PCDHA12: variants seen among roughly 807,000 people sequenced by gnomAD.
PCDHA12 encodes protocadherin alpha-12.
A neutral mutation model predicts 60.0 loss-of-function variants in PCDHA12; 44 were observed. The ratio of observed to expected loss-of-function variants is 0.73; its 90% CI spans 0.58 to 0.94. The LOEUF (loss-of-function observed/expected upper bound fraction) is 0.94, where lower values mean the gene tolerates loss of function less well. Ranked by LOEUF, PCDHA12 falls within the 40% of genes least tolerant of loss-of-function variation. PCDHA12 has a pLI of 0.00. For missense variants in PCDHA12, 1,276 were observed against 1,239.7 expected (o/e 1.03, Z -0.44); for synonymous variants, 569 against 553.0 (o/e 1.03, Z -0.40).
intron 1 of PCDHA12, among the ~76,000 whole-genome samples, chr5:140,890,392 T>C (rs2062624449): frequency 6.6e-6 from 1 of 152,212 alleles, no homozygotes; most frequent in Admixed American, 6.5e-5. Flanking sequence ...TTAGATAATC[T>C]ATAAATTTTA....
At chr5:140,955,187 T>C (rs1230644276) in intron 1 of PCDHA12, among the ~76,000 whole-genome samples, 1 of 152,198 alleles carries the variant, frequency 6.6e-6, no homozygotes, top group Non-Finnish European at 1.5e-5. Flanking sequence ...TTTTGTGGTG[T>C]ATATGAAGTC....
intron 1 of PCDHA12, chr5:140,969,096 A>T: frequency 6.2e-7 from 1 of 1,614,162 alleles, no homozygotes; most frequent in Non-Finnish European, 8.5e-7. Flanking sequence ...GTGCAGCCTC[A>T]CTTCATTGAA....
intron 1 of PCDHA12, among the ~76,000 whole-genome samples, chr5:140,978,596 C>T (rs2096811689): frequency 6.6e-6 from 1 of 152,204 alleles, no homozygotes; most frequent in African/African-American, 2.4e-5. Context: ...CTTAATGGGG[C>T]ACTTGAGGGC....
intron 1 of PCDHA12, among the ~76,000 whole-genome samples, chr5:140,901,565 G>A (rs1554189898): frequency 6.6e-6 from 1 of 152,062 alleles, no homozygotes; most frequent in African/African-American, 2.4e-5. Context: ...CTATGTGTCT[G>A]TTTTTATGCC....
chr5:141,003,520 C>T (rs1171208921), intron 3 of PCDHA12, among the ~76,000 whole-genome samples: 2 of 152,126 alleles, frequency 1.3e-5, no homozygotes, highest in Admixed American at 6.5e-5. Flanking sequence ...ACCATGTTCC[C>T]TAGGCTGGTC....
At chr5:140,970,773 T>G (rs1385909769) in intron 1 of PCDHA12, among the ~76,000 whole-genome samples, 1 of 152,240 alleles carries the variant, frequency 6.6e-6, no homozygotes, top group Non-Finnish European at 1.5e-5. Context: ...TTGCTGTACA[T>G]ACATATTGTA....
intron 1 of PCDHA12, among the ~76,000 whole-genome samples, chr5:140,915,626 G>GTCTCTCTCTCTCTCTC (rs57920489): frequency 1.4e-5 from 2 of 146,436 alleles, no homozygotes; most frequent in African/African-American, 2.5e-5. Context: ...GTCTCTTTCT[G>GTCTCTCTCTCTCTCTC]TCTCTCTCTC....
chr5:140,877,106 TG>T lies in PCDHA12; in HGVS notation c.1637del (p.Gly546AlafsTer4). On this transcript the variant is annotated frameshift_variant, in exon 1 of 4. Coordinates refer to ENST00000398631, the MANE Select transcript of PCDHA12 (RefSeq NM_018903.4). LOFTEE classifies it high-confidence loss of function. ...VSARDAGVPP[L>X]GSNVTLQVFV... Reference sequence around the variant, plus strand: ...GCGCGCGACGCCGGCGTGCCGCCTCTGGGCAGCAACGTGACGCTGCAGGTGT... The same window carrying T: ...GCGCGCGACGCCGGCGTGCCGCCTCTGGCAGCAACGTGACGCTGCAGGTGT... The T allele has an allele frequency of 6.2e-7, 1 of 1,613,554 alleles. No homozygotes were observed.
At chr5:140,976,594 T>C (rs2096724606) in intron 1 of PCDHA12, among the ~76,000 whole-genome samples, 1 of 152,146 alleles carries the variant, frequency 6.6e-6, no homozygotes, top group Non-Finnish European at 1.5e-5. Flanking sequence ...ACTTTTGTGT[T>C]AAGGGGACCT....
chr5:140,952,734 C>T (rs143946641), intron 1 of PCDHA12, among the ~76,000 whole-genome samples: 1 of 152,272 alleles, frequency 6.6e-6, no homozygotes, highest in East Asian at 1.9e-4. Flanking sequence ...CTAGTCTTTT[C>T]TCACACTGCT....
At chr5:140,962,790 C>T (rs899867239) in intron 1 of PCDHA12, among the ~76,000 whole-genome samples, 28 of 152,286 alleles carry the variant, frequency 1.8e-4, no homozygotes, top group African/African-American at 6.0e-4. Flanking sequence ...TTAAAAACTA[C>T]TTTGGACAAC....
chr5:140,963,811 G>A (rs2153736544), intron 1 of PCDHA12, among the ~76,000 whole-genome samples: 1 of 152,288 alleles, frequency 6.6e-6, no homozygotes, highest in Middle Eastern at 3.4e-3. Context: ...TAGTCACTGT[G>A]CAAATTGCTT....
intron 1 of PCDHA12, chr5:140,884,609 G>T: frequency 6.2e-7 from 1 of 1,614,138 alleles, no homozygotes; most frequent in Non-Finnish European, 8.5e-7. Context: ...TCCTTGTCTG[G>T]GTTCTGCAGA....
intron 1 of PCDHA12, among the ~76,000 whole-genome samples, chr5:140,900,319 C>T (rs1032725241): frequency 3.3e-5 from 5 of 152,046 alleles, no homozygotes; most frequent in Non-Finnish European, 7.3e-5. Flanking sequence ...CTTTTGTCGC[C>T]CAGGCTGGAG....
At chr5:140,936,080 A>C (rs1252008478) in intron 1 of PCDHA12, among the ~76,000 whole-genome samples, 2 of 152,004 alleles carry the variant, frequency 1.3e-5, no homozygotes, top group African/African-American at 4.8e-5. Flanking sequence ...TTTAGTAGAG[A>C]CAGGGTTTCA....
intron 1 of PCDHA12, among the ~76,000 whole-genome samples, chr5:140,960,268 C>T (rs909300103): frequency 3.3e-5 from 5 of 152,222 alleles, no homozygotes; most frequent in African/African-American, 7.2e-5. Context: ...TGATAAATTC[C>T]GTCACCTTTT....
At chr5:140,956,009 CTT>C (rs2095247878) in intron 1 of PCDHA12, among the ~76,000 whole-genome samples, 1 of 152,192 alleles carries the variant, frequency 6.6e-6, no homozygotes, top group Non-Finnish European at 1.5e-5. Flanking sequence ...TATCCTGAGA[CTT>C]TGCTGAAGTT....
chr5:140,994,377 G>T (rs1260163825), intron 3 of PCDHA12, among the ~76,000 whole-genome samples: 3 of 152,098 alleles, frequency 2.0e-5, no homozygotes, highest in Non-Finnish European at 4.4e-5. Context: ...GGAAATTCAG[G>T]GGACTAAGTC....
intron 1 of PCDHA12, among the ~76,000 whole-genome samples, chr5:140,896,927 A>G (rs1453519374): frequency 6.6e-6 from 1 of 152,212 alleles, no homozygotes; most frequent in Non-Finnish European, 1.5e-5. Flanking sequence ...TAATCACATC[A>G]TGGAAAATGG....
Sources: allele counts gnomAD v4.1 joint callset (sites outside exome capture counted in the v4.1 genomes callset), GRCh38; gene constraint gnomAD v4.1.1; transcripts MANE v1.5; gene names NCBI Gene and HGNC (gene_info 2026-07-23, HGNC 2026-07-21).